AP4E1: variants seen among roughly 807,000 people sequenced by gnomAD.
AP4E1 encodes the protein adaptor related protein complex 4 subunit epsilon 1.
In AP4E1, 56 loss-of-function variants were observed where a neutral mutation model predicts 128.2. The observed-to-expected ratio is 0.44, with a 90% CI of 0.35 to 0.55. The LOEUF (loss-of-function observed/expected upper bound fraction) is 0.55, where lower values mean the gene tolerates loss of function less well. AP4E1 is among the 20% of genes least tolerant of loss of function. AP4E1 has a pLI of 0.00. For missense variants in AP4E1, 1,324 were observed against 1,307.7 expected (o/e 1.01, Z -0.19); for synonymous variants, 484 against 473.1 (o/e 1.02, Z -0.30).
intron 16 of AP4E1, among the ~76,000 whole-genome samples, chr15:50,987,690 T>C (rs1439183394): frequency 6.6e-6 from 1 of 152,204 alleles, no homozygotes; most frequent in East Asian, 1.9e-4. Flanking sequence ...ATTTCTGTTT[T>C]TACATTTGCT....
Position 50,930,888 on chromosome 15 carries a change from A to C in AP4E1, c.786A>C (p.Glu262Asp). 6 of 1,614,158 alleles carry C rather than the reference A, an allele frequency of 3.7e-6. No individual in the cohort carries two copies. The highest frequency in any genetic ancestry group is 5.1e-6 in the Non-Finnish European group (6 of 1,180,024). ...KQVVGGKLPV[E>D]FNYHSVPAPW... ...TAGTTGGAGGAAAGCTCCCAGTAGA[A>C]TTCAATTACCACAGTGTGCCAGCAC... The change falls in exon 7 of 21, where the codon GAA becomes GAC. Residue 262 changes from glutamate (E) to aspartate (D), a missense_variant. By Grantham distance (45) the Glu-to-Asp change is conservative (BLOSUM62 2). Coordinates refer to ENST00000261842, the MANE Select transcript of AP4E1 (RefSeq NM_007347.5).
chr15:50,953,187 A>G (rs915944809), intron 13 of AP4E1, among the ~76,000 whole-genome samples: 6 of 152,178 alleles, frequency 3.9e-5, no homozygotes, highest in African/African-American at 9.7e-5. Context: ...GCTATCTTCA[A>G]TGGCTTTAGT....
intron 1 of AP4E1, among the ~76,000 whole-genome samples, chr15:50,909,905 T>G (rs193126774): frequency 1.2e-3 from 176 of 152,360 alleles, no homozygotes; most frequent in Non-Finnish European, 1.5e-3. Flanking sequence ...GAGGATGGTC[T>G]CGATCTCCTG....
At position 50,962,889 on chromosome 15, in the gene AP4E1, C is replaced by CAAAAAAAAAAAAAAAAAAAAAAAAAAAAA. The variant is rs71127168; in HGVS notation, c.1851+4122_1851+4123insAAAAAAAAAAAAAAAAAAAAAAAAAAAAA. Among the ~76,000 whole-genome samples the CAAAAAAAAAAAAAAAAAAAAAAAAAAAAA allele has an allele frequency of 3.1e-4, 12 of 38,718 alleles. 1 individual carries two copies. The highest frequency in any genetic ancestry group is 1.4e-3 in the African/African-American group (12 of 8,728). 25.4% of individuals were successfully genotyped at this position (38,718 alleles called of 152,430 possible). On this transcript the variant is annotated intron_variant, in intron 14 of 20. Transcript: ENST00000261842. ...ATATATAAGGAACTCAATTCAACAGCAAAAAAAAAAAAAAAAAAAAAAAAA... is the reference window on the plus strand; with the variant it reads ...ATATATAAGGAACTCAATTCAACAGCAAAAAAAAAAAAAAAAAAAAAAAAAAAAAAAAAAAAAAAAAAAAAAAAAAAAAA...
At chr15:50,914,144 T>G (rs530990635) in intron 2 of AP4E1, among the ~76,000 whole-genome samples, 1 of 152,332 alleles carries the variant, frequency 6.6e-6, no homozygotes, top group Admixed American at 6.5e-5. Flanking sequence ...TTAATTAATG[T>G]GTTAATGAAT....
intron 7 of AP4E1, 176 bp from the exon 8 acceptor site, chr15:50,934,448 C>T: frequency 1.9e-6 from 1 of 536,058 alleles, no homozygotes; most frequent in Non-Finnish European, 3.4e-6. Flanking sequence ...GTAGGAAGTT[C>T]AAGCTCATGA....
chr15:50,999,587 A>T (rs530450149), intron 19 of AP4E1, among the ~76,000 whole-genome samples: 13 of 152,238 alleles, frequency 8.5e-5, no homozygotes, highest in African/African-American at 2.9e-4. Flanking sequence ...ATAACTCCGA[A>T]GATTCTGCAT....
chr15:50,969,420 T>C lies in AP4E1; in HGVS notation c.1966+1043T>C, dbSNP rs565286678. On this transcript the variant is annotated intron_variant, in intron 15 of 20. Coordinates refer to ENST00000261842, the MANE Select transcript of AP4E1 (RefSeq NM_007347.5). ...GTGCTGGTAGGTTGACACATATTAG[T>C]CTGAGCATATCTGTGGAAAAGTTTC... is the stretch of plus-strand genomic sequence containing the variant. 3.9e-5 allele frequency among the ~76,000 whole-genome samples: 6 copies of C among 152,294 alleles called. No homozygotes were observed. The South Asian group carries it at 1.2e-3, about 32-fold the overall frequency.
chr15:50,964,982 C>CACAT (rs1183712983), intron 14 of AP4E1, among the ~76,000 whole-genome samples: 1 of 151,522 alleles, frequency 6.6e-6, no homozygotes, highest in African/African-American at 2.4e-5. Flanking sequence ...CACACACACA[C>CACAT]ACACACACAC....
intron 5 of AP4E1, 75 bp downstream of exon 5, chr15:50,925,294 C>T (rs2063755419): frequency 6.9e-7 from 1 of 1,449,222 alleles, no homozygotes; most frequent in Admixed American, 1.8e-5. Context: ...AAATTTATTA[C>T]AACTTCAGTG....
In AP4E1 at chr15:51,003,540, C is replaced by T. The variant is rs1429457328; in HGVS notation, c.*878C>T. Reference sequence around the variant, plus strand: ...AATGGCAAAACTATCTTTTCCTGGCCTTTGAATCCACTAGTACTTAATGGA... The same window carrying T: ...AATGGCAAAACTATCTTTTCCTGGCTTTTGAATCCACTAGTACTTAATGGA... On this transcript the variant is annotated 3_prime_UTR_variant, in exon 21 of 21. Transcript: ENST00000261842. 2.0e-5 allele frequency: 3 copies of T among 152,318 alleles called. No homozygotes were observed. Among genetic ancestry groups the T allele is most frequent in the African/African-American group, 7.2e-5 (3 of 41,402 alleles). The allele number at this position is 152,318 out of a possible 1,614,324, so 9.4% of individuals were successfully genotyped here. A position where few individuals can be genotyped will look rare whatever the true frequency, so the allele number is the denominator to read the frequency against.
chr15:50,942,333 T>A (rs1397383706), intron 10 of AP4E1, among the ~76,000 whole-genome samples: 7 of 152,330 alleles, frequency 4.6e-5, no homozygotes, highest in African/African-American at 1.7e-4. Flanking sequence ...TGTGGGTTCA[T>A]TAATATAATT....
intron 3 of AP4E1, among the ~76,000 whole-genome samples, chr15:50,921,145 A>C (rs2063698713): frequency 6.6e-6 from 1 of 151,490 alleles, no homozygotes; most frequent in Non-Finnish European, 1.5e-5. Flanking sequence ...TTGAATAAAT[A>C]CTTTTTTTAA....
intron 14 of AP4E1, among the ~76,000 whole-genome samples, chr15:50,959,220 A>C (rs2140879199): frequency 6.6e-6 from 1 of 152,290 alleles, no homozygotes; most frequent in East Asian, 1.9e-4. Context: ...TCAAAAAAAA[A>C]AAAAAGATTC....
intron 17 of AP4E1, among the ~76,000 whole-genome samples, chr15:50,995,223 C>G (rs1346117707): frequency 3.9e-5 from 6 of 152,086 alleles, no homozygotes; most frequent in African/African-American, 1.4e-4. Flanking sequence ...ATCCTGTTCC[C>G]TACTGATTTT....
Position 50,959,942 on chromosome 15 carries a change from A to G in AP4E1, c.1851+1148A>G, listed in dbSNP as rs535969517. ...AGTGAAGGGATAAATAAAAATAACC[A>G]TGCAAACAGAAACCAAAAGCATGCA... is the stretch of plus-strand genomic sequence containing the variant. On this transcript the variant is annotated intron_variant, in intron 14 of 20. Transcript: ENST00000261842. 2.0e-4 allele frequency among the ~76,000 whole-genome samples: 31 copies of G among 152,342 alleles called. 1 individual carries two copies. The highest frequency in any genetic ancestry group is 7.2e-4 in the African/African-American group (30 of 41,596).
chr15:50,940,382 AAGAC>A (rs1029674451), intron 8 of AP4E1, among the ~76,000 whole-genome samples: 55 of 152,276 alleles, frequency 3.6e-4, no homozygotes, highest in Admixed American at 3.4e-3. Flanking sequence ...ATTTGAGAAA[AAGAC>A]AGAGGTTTAT....
At chr15:50,965,331 A>G (rs954696607) in intron 14 of AP4E1, among the ~76,000 whole-genome samples, 2 of 152,114 alleles carry the variant, frequency 1.3e-5, no homozygotes, top group African/African-American at 2.4e-5. Context: ...GCTGGGCATA[A>G]TGGTTGTCAG....
rs1314547202 is a variant in AP4E1 at position 51,001,130 on chromosome 15, C to T, written c.3200C>T (p.Ser1067Phe). Residue 1067 changes from serine (S) to phenylalanine (F), a missense_variant, in exon 20 of 21, where the codon TCT (serine) becomes TTT (phenylalanine). By Grantham distance (155) the Ser-to-Phe change is radical. Coordinates refer to ENST00000261842, the MANE Select transcript of AP4E1 (RefSeq NM_007347.5). ...KMSESQAALPSALKTLQQKLR... is the reference protein window; with the variant it reads ...KMSESQAALPFALKTLQQKLR... ...TCAGAATCTCAAGCTGCACTTCCTT[C>T]TGCACTAAAGACTCTGCAACAGAAA... 6.2e-7 allele frequency: 1 copy of T among 1,613,686 alleles called. No homozygotes were observed. Among genetic ancestry groups the T allele is most frequent in the Admixed American group, 1.7e-5 (1 of 60,012 alleles).
Sources: allele counts gnomAD v4.1 joint callset (sites outside exome capture counted in the v4.1 genomes callset), GRCh38; gene constraint gnomAD v4.1.1; transcripts MANE v1.5; gene names NCBI Gene and HGNC (gene_info 2026-07-23, HGNC 2026-07-21).